CNTN4: variants seen among roughly 807,000 people sequenced by gnomAD.
CNTN4 encodes contactin 4.
CNTN4 carries 77 observed loss-of-function variants against 122.5 expected under a neutral mutation model. That is an observed-to-expected ratio of 0.63 (90% CI 0.52 to 0.76). The LOEUF is 0.76. CNTN4 is among the 30% of genes least tolerant of loss of function. The pLI is 0.00. For synonymous variants in CNTN4, 512 were observed against 447.0 expected (o/e 1.15, Z -1.83); for missense variants, 1,256 against 1,259.1 (o/e 1.00, Z 0.04).
At chr3:2,538,455 G>A (rs1210376760) in intron 3 of CNTN4, among the ~76,000 whole-genome samples, 1 of 151,936 alleles carries the variant, frequency 6.6e-6, no homozygotes, top group Non-Finnish European at 1.5e-5. Flanking sequence ...TTCTGTGTCA[G>A]TAAATATGTT....
At chr3:2,894,760 C>A (rs1342608875) in intron 10 of CNTN4, among the ~76,000 whole-genome samples, 1 of 152,118 alleles carries the variant, frequency 6.6e-6, no homozygotes, top group Non-Finnish European at 1.5e-5. Flanking sequence ...AGAGTCATAG[C>A]TTGATTGATC....
intron 7 of CNTN4, among the ~76,000 whole-genome samples, chr3:2,852,271 T>C (rs774892186): frequency 4.6e-5 from 7 of 152,176 alleles, no homozygotes; most frequent in Admixed American, 2.0e-4. Context: ...AAAGCAGGAT[T>C]ATTAGCTCCA....
At chr3:2,200,019 A>G (rs764034185) in intron 2 of CNTN4, among the ~76,000 whole-genome samples, 1 of 152,230 alleles carries the variant, frequency 6.6e-6, no homozygotes, top group African/African-American at 2.4e-5. Context: ...TTCTTGATGC[A>G]ATGGGACAGC....
At chr3:2,501,056 C>T (rs1157234372) in intron 3 of CNTN4, among the ~76,000 whole-genome samples, 1 of 152,038 alleles carries the variant, frequency 6.6e-6, no homozygotes, top group African/African-American at 2.4e-5. Flanking sequence ...TTTTTGCATG[C>T]CAGTTAATAC....
chr3:2,520,998 C>A (rs1359005608), intron 3 of CNTN4, among the ~76,000 whole-genome samples: 1 of 152,088 alleles, frequency 6.6e-6, no homozygotes, highest in Non-Finnish European at 1.5e-5. Flanking sequence ...TACGTGCATT[C>A]TAGTATGGTG....
intron 4 of CNTN4, among the ~76,000 whole-genome samples, chr3:2,614,709 A>T (rs2081639753): frequency 6.6e-6 from 1 of 152,110 alleles, no homozygotes; most frequent in Non-Finnish European, 1.5e-5. Flanking sequence ...AGCAGGCAGA[A>T]TTGAGAGTTT....
Position 2,883,182 on chromosome 3 carries a change from G to A in CNTN4, c.690G>A (p.Gln230=). 6.2e-7 allele frequency: 1 copy of A among 1,613,862 alleles called. No individual in the cohort carries two copies. Among genetic ancestry groups the A allele is most frequent in the Non-Finnish European group, 8.5e-7 (1 of 1,179,854 alleles). Residue 230 remains glutamine (Q), a synonymous_variant, in exon 9 of 25, where the codon CAG becomes CAA. Transcript: ENST00000418658. ...AATATGAGCCCAAAATAGAAGTGCAGTTCCCAGAAACAGTTCCGACTGCAA... is the reference window on the plus strand; with the variant it reads ...AATATGAGCCCAAAATAGAAGTGCAATTCCCAGAAACAGTTCCGACTGCAA... ...MGEYEPKIEV[Q]FPETVPTAKG... is the part of the protein sequence containing the mutation.
chr3:2,119,511 A>G (rs968341472), intron 2 of CNTN4, among the ~76,000 whole-genome samples: 2 of 152,188 alleles, frequency 1.3e-5, no homozygotes, highest in African/African-American at 4.8e-5. Context: ...GCCATCTCCA[A>G]CACTATTGAT....
At chr3:2,177,567 A>G (rs1477205201) in intron 2 of CNTN4, among the ~76,000 whole-genome samples, 1 of 151,260 alleles carries the variant, frequency 6.6e-6, no homozygotes, top group Non-Finnish European at 1.5e-5. Flanking sequence ...TTTCCTTTGC[A>G]CTTGTGTTTG....
chr3:2,466,809 G>T (rs1242597120), intron 3 of CNTN4, among the ~76,000 whole-genome samples: 1 of 151,930 alleles, frequency 6.6e-6, no homozygotes, highest in African/African-American at 2.4e-5. Flanking sequence ...TTATGGTAAT[G>T]GTAATTTTTT....
intron 3 of CNTN4, among the ~76,000 whole-genome samples, chr3:2,421,708 A>G (rs183569544): frequency 2.2e-4 from 33 of 152,312 alleles, no homozygotes; most frequent in Non-Finnish European, 3.8e-4. Context: ...GTTCATTGAA[A>G]ATAGGGCAAA....
chr3:3,035,533 A>G (rs1699527645), intron 17 of CNTN4, among the ~76,000 whole-genome samples: 1 of 152,144 alleles, frequency 6.6e-6, no homozygotes, highest in East Asian at 1.9e-4. Context: ...AACCAATAAC[A>G]GAGGATTATA....
At chr3:2,127,927 T>G (rs1190233575) in intron 2 of CNTN4, among the ~76,000 whole-genome samples, 1 of 152,214 alleles carries the variant, frequency 6.6e-6, no homozygotes, top group East Asian at 1.9e-4. Flanking sequence ...TACTGAATTT[T>G]GTTCTTCCTC....
intron 2 of CNTN4, among the ~76,000 whole-genome samples, chr3:2,258,720 T>G (rs1575192177): frequency 6.6e-6 from 1 of 152,160 alleles, no homozygotes; most frequent in Non-Finnish European, 1.5e-5. Flanking sequence ...TCTAATCTTT[T>G]GCTTCACAGA....
intron 4 of CNTN4, among the ~76,000 whole-genome samples, chr3:2,704,471 A>G (rs557077436): frequency 1.8e-4 from 28 of 152,254 alleles, no homozygotes; most frequent in African/African-American, 5.3e-4. Context: ...ATGATTTCCA[A>G]TGGCAGAAGA....
intron 17 of CNTN4, among the ~76,000 whole-genome samples, chr3:3,036,413 T>C (rs1297010420): frequency 6.6e-6 from 1 of 152,172 alleles, no homozygotes; most frequent in East Asian, 1.9e-4. Context: ...AATCAGCTGA[T>C]CTCTATACAT....
intron 12 of CNTN4, among the ~76,000 whole-genome samples, chr3:2,913,923 A>G (rs568089592): frequency 2.0e-5 from 3 of 152,232 alleles, no homozygotes; most frequent in Non-Finnish European, 4.4e-5. Context: ...ATAAGTTTTA[A>G]CAGATTTAAG....
At chr3:2,603,467 A>C (rs1487092336) in intron 4 of CNTN4, among the ~76,000 whole-genome samples, 1 of 152,232 alleles carries the variant, frequency 6.6e-6, no homozygotes, top group Non-Finnish European at 1.5e-5. Flanking sequence ...AAAATCCTAC[A>C]GAAAATAATG....
At chr3:2,222,173 G>T (rs2039086420) in intron 2 of CNTN4, among the ~76,000 whole-genome samples, 1 of 152,188 alleles carries the variant, frequency 6.6e-6, no homozygotes, top group South Asian at 2.1e-4. Context: ...TGATAAGTTA[G>T]TACACGAAAT....
Sources: gnomAD v4.1 joint callset for allele counts (sites outside exome capture counted in the v4.1 genomes callset) on GRCh38, gnomAD v4.1.1 for gene constraint, MANE v1.5 for transcripts, NCBI Gene and HGNC (gene_info 2026-07-23, HGNC 2026-07-21) for gene names.